The following STPG2 variants were observed in gnomAD, a reference collection of about 807,000 sequenced individuals.
STPG2 encodes the protein sperm-tail PG-rich repeat-containing protein 2.
Under a neutral mutation model 54.2 loss-of-function variants are expected in STPG2, and 56 were observed. The observed-to-expected ratio is 1.03, with a 90% CI of 0.83 to 1.29. The LOEUF is 1.29. Ranked by LOEUF, STPG2 falls within the 50% of genes most tolerant of loss-of-function variation. STPG2 has a pLI of 0.00. For synonymous variants in STPG2, 200 were observed against 181.8 expected (o/e 1.10, Z -0.81); for missense variants, 596 against 544.9 (o/e 1.09, Z -0.93).
At chr4:97,641,584 T>C (rs555153540) in intron 10 of STPG2, among the ~76,000 whole-genome samples, 1 of 151,526 alleles carries the variant, frequency 6.6e-6, no homozygotes, top group South Asian at 2.1e-4. Flanking sequence ...ATTATAACTT[T>C]TATTATTTCA....
At chr4:97,637,223 C>T (rs1721578694) in intron 10 of STPG2, among the ~76,000 whole-genome samples, 1 of 152,196 alleles carries the variant, frequency 6.6e-6, no homozygotes, top group Non-Finnish European at 1.5e-5. Flanking sequence ...AGCATATAAA[C>T]AGAGCCAAAG....
intron 2 of STPG2, among the ~76,000 whole-genome samples, chr4:98,133,325 G>C (rs761853000): frequency 6.6e-6 from 1 of 151,968 alleles, no homozygotes; most frequent in African/African-American, 2.4e-5. Context: ...GCATTTGATT[G>C]ATCAGCTAAG....
At chr4:98,138,987 A>G (rs1740206689) in intron 1 of STPG2, among the ~76,000 whole-genome samples, 1 of 152,284 alleles carries the variant, frequency 6.6e-6, no homozygotes, top group Middle Eastern at 3.4e-3. Context: ...TAAAAGGAGT[A>G]TGTTTTTATC....
chr4:97,786,165 C>G (rs1011561520), intron 9 of STPG2, among the ~76,000 whole-genome samples: 8 of 150,906 alleles, frequency 5.3e-5, no homozygotes, highest in Admixed American at 2.6e-4. Context: ...AGCCAATCAC[C>G]CTTTCCCTGC....
chr4:98,012,372 G>A (rs1458415352), intron 5 of STPG2, among the ~76,000 whole-genome samples: 1 of 152,198 alleles, frequency 6.6e-6, no homozygotes, highest in Non-Finnish European at 1.5e-5. Context: ...ATAGTGTGAA[G>A]TCAAGTAGCA....
chr4:98,075,856 A>T (rs1235116759), intron 5 of STPG2, among the ~76,000 whole-genome samples: 2 of 152,214 alleles, frequency 1.3e-5, no homozygotes, highest in African/African-American at 4.8e-5. Context: ...ATAAAGTTAT[A>T]TTTTTTAGGG....
chr4:97,965,558 C>A (rs1221143460), intron 7 of STPG2, among the ~76,000 whole-genome samples: 2 of 152,162 alleles, frequency 1.3e-5, no homozygotes, highest in Non-Finnish European at 2.9e-5. Flanking sequence ...CCCTGACCCC[C>A]ACGTAGACGA....
At chr4:97,912,552 T>G (rs1223551038) in intron 8 of STPG2, among the ~76,000 whole-genome samples, 1 of 151,952 alleles carries the variant, frequency 6.6e-6, no homozygotes, top group East Asian at 1.9e-4. Context: ...ATAGACCAAG[T>G]GGAGGAAAGA....
chr4:98,087,527 G>A (rs1425867868), intron 5 of STPG2, among the ~76,000 whole-genome samples: 1 of 148,220 alleles, frequency 6.7e-6, no homozygotes, highest in Non-Finnish European at 1.5e-5. Flanking sequence ...CAATATAATT[G>A]TATCCCTTAA....
chr4:97,792,795 C>T (rs1278903138), intron 9 of STPG2, among the ~76,000 whole-genome samples: 2 of 152,262 alleles, frequency 1.3e-5, no homozygotes, highest in East Asian at 3.9e-4. Context: ...TACCTGTTCT[C>T]TTTGCAGTGC....
At chr4:97,774,414 C>T (rs1048183783) in intron 9 of STPG2, among the ~76,000 whole-genome samples, 1 of 152,174 alleles carries the variant, frequency 6.6e-6, no homozygotes, top group Non-Finnish European at 1.5e-5. Flanking sequence ...ATCACTCCTC[C>T]TCCTCAAGTC....
intron 8 of STPG2, among the ~76,000 whole-genome samples, chr4:97,881,382 T>C (rs1730369135): frequency 6.6e-6 from 1 of 152,132 alleles, no homozygotes; most frequent in Admixed American, 6.6e-5. Context: ...ATCTCTAAAA[T>C]GCTGTTATTT....
intron 5 of STPG2, among the ~76,000 whole-genome samples, chr4:98,071,730 T>C (rs1004891874): frequency 1.2e-4 from 18 of 151,994 alleles, no homozygotes; most frequent in Admixed American, 6.6e-5. Flanking sequence ...AACAACTCCA[T>C]TAAAAAGTGG....
intron 9 of STPG2, among the ~76,000 whole-genome samples, chr4:97,801,658 T>C (rs1445701607): frequency 1.3e-5 from 2 of 152,140 alleles, no homozygotes; most frequent in African/African-American, 4.8e-5. Flanking sequence ...ATGTCTCTTT[T>C]TTTCTTTCTT....
chr4:97,494,575 C>T (rs1424818760), intron 4 of STPG2, among the ~76,000 whole-genome samples: 1 of 151,546 alleles, frequency 6.6e-6, no homozygotes, highest in African/African-American at 2.4e-5. Context: ...CCTGGTTTGC[C>T]TTTGGACTAA....
At chr4:97,723,791 A>G (rs548913252) in intron 9 of STPG2, among the ~76,000 whole-genome samples, 1 of 152,272 alleles carries the variant, frequency 6.6e-6, no homozygotes, top group East Asian at 1.9e-4. Flanking sequence ...AGGCAGTAGG[A>G]GAGAGAGCAT....
At chr4:97,668,548 A>G (rs1055656602) in intron 10 of STPG2, among the ~76,000 whole-genome samples, 2 of 151,984 alleles carry the variant, frequency 1.3e-5, no homozygotes, top group Non-Finnish European at 1.5e-5. Flanking sequence ...AAAGAATAGC[A>G]TGAATTCAAG....
At chr4:97,921,168 G>T (rs760054245) in intron 8 of STPG2, among the ~76,000 whole-genome samples, 1 of 152,070 alleles carries the variant, frequency 6.6e-6, no homozygotes, top group Non-Finnish European at 1.5e-5. Flanking sequence ...CCTCATAGGG[G>T]GAAGGAGAGT....
intron 3 of STPG2, among the ~76,000 whole-genome samples, 160 bp downstream of exon 3, chr4:98,128,267 AC>A (rs1314964371): frequency 6.6e-6 from 1 of 152,208 alleles, no homozygotes; most frequent in Non-Finnish European, 1.5e-5. Flanking sequence ...ACTGTATTAA[AC>A]CACTAAAATT....
Sources: gnomAD v4.1 joint callset for allele counts (sites outside exome capture counted in the v4.1 genomes callset) on GRCh38, gnomAD v4.1.1 for gene constraint, MANE v1.5 for transcripts, NCBI Gene and HGNC (gene_info 2026-07-23, HGNC 2026-07-21) for gene names.